The following RCOR1 variants were observed in gnomAD, a reference collection of about 807,000 sequenced individuals.
RCOR1 encodes REST corepressor.
RCOR1 carries 12 observed loss-of-function variants against 64.0 expected under a neutral mutation model. That is an observed-to-expected ratio of 0.19 (90% CI 0.12 to 0.30). The LOEUF is 0.30. RCOR1 is among the 10% of genes least tolerant of loss of function. The pLI is 1.00. For synonymous variants in RCOR1, 279 were observed against 227.2 expected (o/e 1.23, Z -2.05); for missense variants, 502 against 621.2 (o/e 0.81, Z 2.04).
intron 3 of RCOR1, among the ~76,000 whole-genome samples, chr14:102,700,395 T>C (rs1031026223): frequency 2.6e-5 from 4 of 152,180 alleles, no homozygotes; most frequent in Admixed American, 6.5e-5. Flanking sequence ...CTAATTTTTG[T>C]ATTTTTAGTA....
intron 2 of RCOR1, among the ~76,000 whole-genome samples, chr14:102,623,401 TA>T (rs1893916539): frequency 6.7e-6 from 1 of 149,982 alleles, no homozygotes; most frequent in Non-Finnish European, 1.5e-5. Context: ...TTTATTTATT[TA>T]TTTATTTATT....
At chr14:102,669,878 A>C (rs1485715709) in intron 2 of RCOR1, among the ~76,000 whole-genome samples, 2 of 152,194 alleles carry the variant, frequency 1.3e-5, no homozygotes, top group African/African-American at 4.8e-5. Flanking sequence ...AACATAATTA[A>C]GTTAAATTTA....
intron 2 of RCOR1, among the ~76,000 whole-genome samples, chr14:102,600,174 C>A (rs867416276): frequency 1.3e-5 from 2 of 152,008 alleles, no homozygotes; most frequent in African/African-American, 2.4e-5. Context: ...ACAAGCTCCG[C>A]CTCCCGGGTT....
chr14:102,676,136 C>G (rs1004854540), intron 2 of RCOR1, among the ~76,000 whole-genome samples: 1 of 150,416 alleles, frequency 6.6e-6, no homozygotes, highest in Non-Finnish European at 1.5e-5. Flanking sequence ...GGCAACCATC[C>G]GATTTCTCAA....
intron 2 of RCOR1, among the ~76,000 whole-genome samples, chr14:102,609,726 C>T (rs774390614): frequency 4.7e-5 from 7 of 149,872 alleles, no homozygotes; most frequent in African/African-American, 7.3e-5. Context: ...GGATTACAGG[C>T]GTGAAAATGC....
At chr14:102,721,934 G>A (rs1401930748) in intron 10 of RCOR1, among the ~76,000 whole-genome samples, 3 of 152,160 alleles carry the variant, frequency 2.0e-5, no homozygotes, top group Admixed American at 1.3e-4. Flanking sequence ...CAACCCTAGG[G>A]CAATTGCTGG....
At chr14:102,669,322 A>G (rs965679388) in intron 2 of RCOR1, among the ~76,000 whole-genome samples, 1 of 151,824 alleles carries the variant, frequency 6.6e-6, no homozygotes, top group Non-Finnish European at 1.5e-5. Context: ...AAAAAAAAAA[A>G]AGAGAAAAGA....
intron 3 of RCOR1, among the ~76,000 whole-genome samples, chr14:102,685,378 T>A (rs1019990425): frequency 2.6e-5 from 4 of 152,184 alleles, no homozygotes; most frequent in African/African-American, 7.2e-5. Context: ...TTACCTGTAT[T>A]ACCTATTGAT....
chr14:102,711,603 T>C (rs1895959973), intron 7 of RCOR1, among the ~76,000 whole-genome samples: 1 of 152,192 alleles, frequency 6.6e-6, no homozygotes, highest in African/African-American at 2.4e-5. Flanking sequence ...TGCATGTAAC[T>C]TTTACATAGG....
Position 102,593,291 on chromosome 14 carries a change from C to T in RCOR1, c.327C>T (p.Pro109=), listed in dbSNP as rs1303191592. 2 of 1,549,368 alleles carry T rather than the reference C, an allele frequency of 1.3e-6. No individual in the cohort carries two copies. The highest frequency in any genetic ancestry group is 5.3e-5 in the East Asian group (2 of 38,068). Residue 109 remains proline, a synonymous_variant, in exon 2 of 12, where the codon CCC becomes CCT. Coordinates refer to ENST00000262241, the MANE Select transcript of RCOR1 (RefSeq NM_015156.4). ...GTGGCGGTGGCATGAGGGTCGGACC[C>T]CAGTACCAGGCGGTGGTGCCCGACT... ...EHGGGGMRVG[P]QYQAVVPDFD... is the part of the protein sequence containing the mutation.
At chr14:102,645,076 T>C (rs1012721594) in intron 2 of RCOR1, among the ~76,000 whole-genome samples, 1 of 152,218 alleles carries the variant, frequency 6.6e-6, no homozygotes, top group Non-Finnish European at 1.5e-5. Flanking sequence ...TTTTGTGGGC[T>C]CTCTCTGTGT....
At chr14:102,658,502 G>A (rs989936059) in intron 2 of RCOR1, 2 of 980,890 alleles carry the variant, frequency 2.0e-6, no homozygotes, top group African/African-American at 3.5e-5. Flanking sequence ...TAATAAAAAT[G>A]GTTTTCTTAC....
intron 2 of RCOR1, among the ~76,000 whole-genome samples, chr14:102,616,744 G>A (rs566570520): frequency 3.3e-4 from 50 of 152,186 alleles, no homozygotes; most frequent in African/African-American, 1.0e-3. Context: ...CATGTGTTTG[G>A]CTCCCTACAA....
Position 102,632,611 on chromosome 14 carries a change from ATCCTTTCCTTTCCTTTCCTTTCCTT to A in RCOR1, c.361+39333_361+39357del, listed in dbSNP as rs201997281. Among the ~76,000 whole-genome samples, 124 of 108,008 alleles carry A rather than the reference ATCCTTTCCTTTCCTTTCCTTTCCTT, an allele frequency of 1.1e-3. 1 individual carries two copies. Among genetic ancestry groups the A allele is most frequent in the African/African-American group, 3.1e-3 (80 of 25,630 alleles). The allele number at this position is 108,008 out of a possible 152,430, so 70.9% of individuals were successfully genotyped here. A position where few individuals can be genotyped will look rare whatever the true frequency, so the allele number is the denominator to read the frequency against. On this transcript the variant is annotated intron_variant, in intron 2 of 11. Coordinates refer to ENST00000262241, the MANE Select transcript of RCOR1 (RefSeq NM_015156.4). The stretch of plus-strand genomic sequence containing the variant: ...TCAAGACTGATTTTGACTGCATGCT[ATCCTTTCCTTTCCTTTCCTTTCCTT>A]TCCTTTCCTTTCCTTTCCTTTCCTT...
intron 4 of RCOR1, among the ~76,000 whole-genome samples, chr14:102,703,256 G>A (rs1161176379): frequency 6.6e-6 from 1 of 152,196 alleles, no homozygotes; most frequent in Non-Finnish European, 1.5e-5. Flanking sequence ...GCATGTGGAA[G>A]TTGCATAAGG....
chr14:102,600,318 G>A (rs1481502879), intron 2 of RCOR1, among the ~76,000 whole-genome samples: 1 of 149,614 alleles, frequency 6.7e-6, no homozygotes, highest in Admixed American at 6.6e-5. Flanking sequence ...CTCGTGATCC[G>A]CCCACCTCGG....
chr14:102,609,533 A>G (rs1200342135), intron 2 of RCOR1, among the ~76,000 whole-genome samples: 2 of 151,450 alleles, frequency 1.3e-5, no homozygotes, highest in African/African-American at 2.4e-5. Flanking sequence ...TCCGCCTTCC[A>G]GGTTCAAGTG....
At chr14:102,617,294 T>G (rs1893780628) in intron 2 of RCOR1, among the ~76,000 whole-genome samples, 1 of 152,180 alleles carries the variant, frequency 6.6e-6, no homozygotes, top group Non-Finnish European at 1.5e-5. Context: ...AAAAATGAGA[T>G]GTAAGTAGGT....
At chr14:102,598,001 T>C (rs1416152171) in intron 2 of RCOR1, among the ~76,000 whole-genome samples, 1 of 152,128 alleles carries the variant, frequency 6.6e-6, no homozygotes, top group African/African-American at 2.4e-5. Flanking sequence ...TTTGTATTTT[T>C]AGTAGGGATA....
Sources: gnomAD v4.1 joint callset for allele counts (sites outside exome capture counted in the v4.1 genomes callset) on GRCh38, gnomAD v4.1.1 for gene constraint, MANE v1.5 for transcripts, NCBI Gene and HGNC (gene_info 2026-07-23, HGNC 2026-07-21) for gene names.